Variants in PTPN9 observed in about 807,000 individuals in gnomAD.
The protein encoded by PTPN9 is tyrosine-protein phosphatase non-receptor type 9.
A neutral mutation model predicts 69.8 loss-of-function variants in PTPN9; 26 were observed. The ratio of observed to expected loss-of-function variants is 0.37; its 90% CI spans 0.27 to 0.52. The LOEUF (loss-of-function observed/expected upper bound fraction) is 0.52. Ranked by LOEUF, PTPN9 falls within the 20% of genes least tolerant of loss-of-function variation. The pLI, the probability that PTPN9 is intolerant of heterozygous loss-of-function variation, is 0.91. For missense variants in PTPN9, 549 were observed against 740.3 expected, an observed-to-expected ratio of 0.74 and a Z score of 3.00; for synonymous variants, 274 against 272.5, an observed-to-expected ratio of 1.01 and a Z score of -0.05.
chr15:75,562,080 T>TG (rs2075106204), intron 1 of PTPN9, among the ~76,000 whole-genome samples: 1 of 152,170 alleles, frequency 6.6e-6, no homozygotes, highest in Admixed American at 6.6e-5. Context: ...CTCAAACTCC[T>TG]GGCCTCAGAT....
At chr15:75,507,550 G>A (rs1374494180) in intron 6 of PTPN9, among the ~76,000 whole-genome samples, 4 of 151,874 alleles carry the variant, frequency 2.6e-5, no homozygotes, top group Non-Finnish European at 5.9e-5. Flanking sequence ...GGTGGATCAC[G>A]AGGTCAGAAG....
chr15:75,505,658 A>C lies in PTPN9; in HGVS notation c.968+17T>G, dbSNP rs1595956089. 6.2e-7 allele frequency: 1 copy of C among 1,600,074 alleles called. No individual in the cohort carries two copies. Among genetic ancestry groups the C allele is most frequent in the African/African-American group, 1.3e-5 (1 of 74,692 alleles). On this transcript the variant is annotated intron_variant, in intron 7 of 12. Coordinates refer to ENST00000618819, the MANE Select transcript of PTPN9 (RefSeq NM_002833.4). ...CATCCTGGTAACCAGCTGCTGGCCC[A>C]AACTTTTTCTACTTACATGGAACAG...
intron 8 of PTPN9, among the ~76,000 whole-genome samples, chr15:75,483,649 A>G (rs1002045829): frequency 2.0e-5 from 3 of 152,262 alleles, no homozygotes; most frequent in Non-Finnish European, 4.4e-5. Context: ...CTCTGTGAAT[A>G]TACTAATAGC....
chr15:75,573,376 T>A (rs2075157689), intron 1 of PTPN9, among the ~76,000 whole-genome samples: 1 of 152,204 alleles, frequency 6.6e-6, no homozygotes, highest in Non-Finnish European at 1.5e-5. Flanking sequence ...AAACATCATA[T>A]TTGTCCTCGT....
intron 1 of PTPN9, among the ~76,000 whole-genome samples, chr15:75,538,267 A>T (rs1431311832): frequency 6.6e-6 from 1 of 152,188 alleles, no homozygotes; most frequent in African/African-American, 2.4e-5. Context: ...AATCCATCAC[A>T]CATAGGCCCC....
chr15:75,549,264 G>A (rs2075046718), intron 1 of PTPN9, among the ~76,000 whole-genome samples: 1 of 152,048 alleles, frequency 6.6e-6, no homozygotes. Context: ...ACAGTGGTGA[G>A]GACATGGCTC....
At chr15:75,571,316 T>G (rs2075147275) in intron 1 of PTPN9, among the ~76,000 whole-genome samples, 3 of 152,170 alleles carry the variant, frequency 2.0e-5, no homozygotes, top group African/African-American at 7.2e-5. Flanking sequence ...CTTTTCTGAC[T>G]ACTTATTATA....
chr15:75,568,517 A>C (rs1346834364), intron 1 of PTPN9, among the ~76,000 whole-genome samples: 3 of 146,082 alleles, frequency 2.1e-5, no homozygotes, highest in Non-Finnish European at 4.5e-5. Flanking sequence ...CAAAAAAAAA[A>C]AAAAAAACAA....
chr15:75,540,380 C>CT (rs2075002871), intron 1 of PTPN9, among the ~76,000 whole-genome samples: 1 of 151,832 alleles, frequency 6.6e-6, no homozygotes, highest in South Asian at 2.1e-4. Flanking sequence ...TGGCAAAACT[C>CT]TGTCTCTACT....
At chr15:75,524,350 G>A (rs1254039859) in intron 2 of PTPN9, 52 bp from the exon 3 acceptor site, 5 of 1,109,950 alleles carry the variant, frequency 4.5e-6, no homozygotes, top group East Asian at 4.8e-5. Context: ...TGTATATCCA[G>A]GACAGCACCA....
intron 8 of PTPN9, 28 bp downstream of exon 8, chr15:75,490,180 C>A (rs2074700844): frequency 6.6e-7 from 1 of 1,526,472 alleles, no homozygotes; most frequent in Non-Finnish European, 9.1e-7. Flanking sequence ...CCCCAGTGCA[C>A]CTAAAAAGAT....
rs907721081 is a variant in PTPN9 at position 75,557,458 on chromosome 15, T to C, written c.63+21256A>G. Among the ~76,000 whole-genome samples, 16 of 151,834 alleles carry C rather than the reference T, an allele frequency of 1.1e-4. 1 individual carries two copies. The highest frequency in any genetic ancestry group is 9.9e-4 in the Admixed American group (15 of 15,214). ...AAACACAAAAAAACAAAAAAGAGAA[T>C]AGTGCTGCTATGACATGGGTGCACA... is the stretch of plus-strand genomic sequence containing the variant. On this transcript the variant is annotated intron_variant, in intron 1 of 12. Transcript: ENST00000618819.
chr15:75,463,991 C>T lies in PTPN9; in HGVS notation c.*4778G>A, dbSNP rs2074526747. ...TTGCCTCTGAGAAACCCTGTAGACCCCACATTAAGAAACAGGGAAACTTTA... is the reference window on the plus strand; with the variant it reads ...TTGCCTCTGAGAAACCCTGTAGACCTCACATTAAGAAACAGGGAAACTTTA... On this transcript the variant is annotated 3_prime_UTR_variant, in exon 13 of 13. Coordinates refer to ENST00000618819, the MANE Select transcript of PTPN9 (RefSeq NM_002833.4). 1 of 152,172 alleles carries T rather than the reference C, an allele frequency of 6.6e-6. No homozygotes were observed. 9.4% of individuals were successfully genotyped at this position (152,172 alleles called of 1,614,324 possible).
At chr15:75,506,716 T>G (rs930766070) in intron 6 of PTPN9, among the ~76,000 whole-genome samples, 1 of 152,032 alleles carries the variant, frequency 6.6e-6, no homozygotes, top group Non-Finnish European at 1.5e-5. Flanking sequence ...TGCTCTCTGC[T>G]TGGACATAGC....
At chr15:75,469,740 C>T (rs1205731910) in intron 12 of PTPN9, 52 bp downstream of exon 12, 13 of 1,576,312 alleles carry the variant, frequency 8.2e-6, no homozygotes, top group Middle Eastern at 2.3e-4. Context: ...TGTTTTTCCT[C>T]GTCCACCCCT....
intron 5 of PTPN9, among the ~76,000 whole-genome samples, chr15:75,511,445 C>G (rs956250387): frequency 6.6e-6 from 1 of 151,878 alleles, no homozygotes; most frequent in Non-Finnish European, 1.5e-5. Context: ...ATGGTTTCAT[C>G]GTGTTGCCCA....
intron 7 of PTPN9, among the ~76,000 whole-genome samples, chr15:75,500,324 A>AATAT (rs1198422732): frequency 6.7e-6 from 1 of 149,926 alleles, no homozygotes; most frequent in Non-Finnish European, 1.5e-5. Context: ...TAAATAAATA[A>AATAT]ATAAATAAAC....
intron 1 of PTPN9, among the ~76,000 whole-genome samples, chr15:75,543,740 AT>A (rs545192361): frequency 9.7e-4 from 147 of 152,228 alleles, no homozygotes; most frequent in Non-Finnish European, 1.5e-3. Flanking sequence ...ACTCAAAAAA[AT>A]AACAATAAAA....
intron 9 of PTPN9, among the ~76,000 whole-genome samples, chr15:75,475,967 T>C (rs373034828): frequency 2.0e-5 from 3 of 152,250 alleles, no homozygotes; most frequent in African/African-American, 7.2e-5. Flanking sequence ...TGCAAAACCC[T>C]GTCCCTACAA....
Sources: gnomAD v4.1 joint callset for allele counts (sites outside exome capture counted in the v4.1 genomes callset) on GRCh38, gnomAD v4.1.1 for gene constraint, MANE v1.5 for transcripts, NCBI Gene and HGNC (gene_info 2026-07-23, HGNC 2026-07-21) for gene names.